IRAK2: variants seen among roughly 807,000 people sequenced by gnomAD.
IRAK2 encodes interleukin 1 receptor associated kinase 2.
In IRAK2, 57 loss-of-function variants were observed where a neutral mutation model predicts 72.0. The observed-to-expected ratio is 0.79, with a 90% CI of 0.64 to 0.99. IRAK2 has a LOEUF of 0.99. Ranked by LOEUF, IRAK2 falls within the 50% of genes least tolerant of loss-of-function variation. The pLI is 0.00. For synonymous variants in IRAK2, 293 were observed against 312.7 expected (o/e 0.94, Z 0.67); for missense variants, 790 against 794.4 (o/e 0.99, Z 0.07).
intron 2 of IRAK2, among the ~76,000 whole-genome samples, chr3:10,188,869 C>T (rs1427828333): frequency 6.6e-6 from 1 of 152,174 alleles, no homozygotes; most frequent in Non-Finnish European, 1.5e-5. Flanking sequence ...GCCGTGTTGG[C>T]CAGGCTGGTC....
At chr3:10,185,236 G>A (rs561571987) in intron 2 of IRAK2, among the ~76,000 whole-genome samples, 1 of 151,410 alleles carries the variant, frequency 6.6e-6, no homozygotes, top group South Asian at 2.1e-4. Flanking sequence ...AAGTTCCCCA[G>A]ATGATTCTGA....
At chr3:10,178,372 G>C (rs1038064956) in intron 2 of IRAK2, among the ~76,000 whole-genome samples, 1 of 151,824 alleles carries the variant, frequency 6.6e-6, no homozygotes, top group Non-Finnish European at 1.5e-5. Context: ...CAGGAGAATC[G>C]CTTGAACCTG....
chr3:10,182,177 C>A (rs1028321756), intron 2 of IRAK2, among the ~76,000 whole-genome samples: 9 of 151,970 alleles, frequency 5.9e-5, no homozygotes, highest in African/African-American at 2.2e-4. Flanking sequence ...CCATATTGGC[C>A]AGGCTGGTCT....
intron 8 of IRAK2, among the ~76,000 whole-genome samples, chr3:10,221,867 A>G (rs1263556193): frequency 1.3e-5 from 2 of 151,162 alleles, no homozygotes; most frequent in Non-Finnish European, 2.9e-5. Context: ...GCTTTTTCCC[A>G]TTTTGGAGTA....
At chr3:10,204,955 T>C (rs1187494331) in intron 3 of IRAK2, among the ~76,000 whole-genome samples, 1 of 152,122 alleles carries the variant, frequency 6.6e-6, no homozygotes, top group East Asian at 1.9e-4. Flanking sequence ...TATCCCATCT[T>C]GTTCATCTAC....
intron 9 of IRAK2, among the ~76,000 whole-genome samples, chr3:10,224,165 C>T (rs868652791): frequency 1.3e-5 from 2 of 151,990 alleles, no homozygotes; most frequent in African/African-American, 2.4e-5. Context: ...GGTGAAACCC[C>T]GGCTCTACTA....
At chr3:10,241,566 G>GATAAATAAATAAATCA (rs139298428) in intron 12 of IRAK2, among the ~76,000 whole-genome samples, 2 of 131,740 alleles carry the variant, frequency 1.5e-5, no homozygotes, top group African/African-American at 5.9e-5. Flanking sequence ...CTCAACAAAT[G>GATAAATAAATAAATCA]ATAAATAAAT....
At chr3:10,191,265 A>G (rs1355623678) in intron 2 of IRAK2, among the ~76,000 whole-genome samples, 1 of 151,224 alleles carries the variant, frequency 6.6e-6, no homozygotes, top group Non-Finnish European at 1.5e-5. Flanking sequence ...ACTGCACTCC[A>G]GCCTGGGCAA....
intron 2 of IRAK2, among the ~76,000 whole-genome samples, chr3:10,198,778 G>T (rs1369297189): frequency 6.6e-6 from 1 of 152,118 alleles, no homozygotes; most frequent in Non-Finnish European, 1.5e-5. Context: ...TGTTGCTGGA[G>T]ATGTTTTGTC....
chr3:10,236,882 G>A (rs560804924), intron 11 of IRAK2, among the ~76,000 whole-genome samples: 23 of 152,256 alleles, frequency 1.5e-4, no homozygotes, highest in African/African-American at 3.9e-4. Flanking sequence ...TTGAATTTAC[G>A]CAGTCCAGTG....
rs188483354 is a variant in IRAK2 at position 10,191,042 on chromosome 3, C to T, written c.278-9327C>T. ...GGGCGCGGTGGCTCAAGCCTGTAAT[C>T]CCAGCACTTTGGGAGGCCGAGGCCG... On this transcript the variant is annotated intron_variant, in intron 2 of 12. Transcript: ENST00000256458. Among the ~76,000 whole-genome samples, 729 of 152,190 alleles carry T rather than the reference C, an allele frequency of 4.8e-3. 25 individuals carry two copies. The South Asian group carries it at 0.084, about 17-fold the overall frequency.
intron 10 of IRAK2, among the ~76,000 whole-genome samples, chr3:10,228,104 G>T (rs940527958): frequency 1.3e-5 from 2 of 152,058 alleles, no homozygotes; most frequent in African/African-American, 4.8e-5. Context: ...GGTGGAAGTG[G>T]GGTTTAAATT....
intron 1 of IRAK2, among the ~76,000 whole-genome samples, chr3:10,176,216 A>T (rs560935592): frequency 1.3e-5 from 2 of 152,220 alleles, no homozygotes; most frequent in Middle Eastern, 3.4e-3. Context: ...TTTTGTATCC[A>T]TGGCTCTCTG....
At chr3:10,179,272 G>GT (rs757492438) in intron 2 of IRAK2, among the ~76,000 whole-genome samples, 3 of 129,750 alleles carry the variant, frequency 2.3e-5, no homozygotes, top group Non-Finnish European at 3.6e-5. Flanking sequence ...GCATTTTTCA[G>GT]TTGTTTTTTT....
At chr3:10,237,894 T>C (rs983723334) in intron 11 of IRAK2, among the ~76,000 whole-genome samples, 1 of 151,292 alleles carries the variant, frequency 6.6e-6, no homozygotes, top group African/African-American at 2.4e-5. Context: ...AGATTTGTTA[T>C]TGTTATTACG....
chr3:10,204,502 C>G (rs990893046), intron 3 of IRAK2, among the ~76,000 whole-genome samples: 7 of 152,054 alleles, frequency 4.6e-5, no homozygotes, highest in African/African-American at 1.2e-4. Flanking sequence ...AGTAGAATAG[C>G]AACAAAAAGG....
intron 11 of IRAK2, among the ~76,000 whole-genome samples, chr3:10,236,204 A>C (rs1181208399): frequency 6.6e-6 from 1 of 152,102 alleles, no homozygotes; most frequent in Non-Finnish European, 1.5e-5. Flanking sequence ...CAGCACGTTC[A>C]AGGGCCTGGA....
At chr3:10,171,223 G>A (rs373722980) in intron 1 of IRAK2, among the ~76,000 whole-genome samples, 81 of 152,294 alleles carry the variant, frequency 5.3e-4, no homozygotes, top group South Asian at 3.7e-3. Flanking sequence ...GTGTGTGGCC[G>A]TTCCCCGTCT....
intron 2 of IRAK2, among the ~76,000 whole-genome samples, chr3:10,185,872 T>C (rs1322161683): frequency 6.6e-6 from 1 of 151,084 alleles, no homozygotes; most frequent in African/African-American, 2.5e-5. Context: ...CTACACTCCG[T>C]CTCAAAAATA....
Sources: gnomAD v4.1 joint callset for allele counts (sites outside exome capture counted in the v4.1 genomes callset) on GRCh38, gnomAD v4.1.1 for gene constraint, MANE v1.5 for transcripts, NCBI Gene and HGNC (gene_info 2026-07-23, HGNC 2026-07-21) for gene names.